The following FGFR2 variants were observed in gnomAD, a reference collection of about 807,000 sequenced individuals.
FGFR2 encodes fibroblast growth factor receptor 2.
Under a neutral mutation model 95.9 loss-of-function variants are expected in FGFR2, and 19 were observed. The ratio of observed to expected loss-of-function variants is 0.20; its 90% CI spans 0.14 to 0.29. The LOEUF is 0.29. Among genes scored for constraint, FGFR2 ranks in the 10% least tolerant of loss-of-function variants. FGFR2 has a pLI of 1.00. For synonymous variants in FGFR2, 392 were observed against 393.3 expected (o/e 1.00, Z 0.04); for missense variants, 707 against 1,056.9 (o/e 0.67, Z 4.59).
intron 6 of FGFR2, among the ~76,000 whole-genome samples, chr10:121,532,083 A>G (rs1852154833): frequency 4.6e-5 from 7 of 152,182 alleles, no homozygotes; most frequent in Admixed American, 4.6e-4. Context: ...GTGTCAGGGT[A>G]GGACACCAAG....
intron 6 of FGFR2, among the ~76,000 whole-genome samples, chr10:121,524,997 CCAGGAAGGA>C (rs1266172173): frequency 6.6e-6 from 1 of 152,200 alleles, no homozygotes; most frequent in Non-Finnish European, 1.5e-5. Flanking sequence ...ATCTTCTCCA[CCAGGAAGGA>C]CAGGAAGGAT....
At position 121,597,951 on chromosome 10, in the gene FGFR2, G is replaced by A. The variant is rs1387132708; in HGVS notation, c.-151+11C>T. Reference sequence around the variant, plus strand: ...GGCGAAGCTCCCCGAGGCGTCTTGCGCGGCGATTACCTTGAATGGCAACGC... The same window carrying A: ...GGCGAAGCTCCCCGAGGCGTCTTGCACGGCGATTACCTTGAATGGCAACGC... On this transcript the variant is annotated intron_variant, in intron 1 of 17. Transcript: ENST00000358487. 1.0e-5 allele frequency: 4 copies of A among 392,040 alleles called. No homozygotes were observed. In the East Asian group the frequency reaches 1.4e-4, roughly 14 times the overall value. 24.3% of individuals were successfully genotyped at this position (392,040 alleles called of 1,614,324 possible).
intron 6 of FGFR2, among the ~76,000 whole-genome samples, chr10:121,532,987 G>A (rs906487566): frequency 2.6e-5 from 4 of 152,204 alleles, no homozygotes; most frequent in Non-Finnish European, 4.4e-5. Flanking sequence ...GACCCATCCA[G>A]AAGTGACATG....
intron 1 of FGFR2, among the ~76,000 whole-genome samples, chr10:121,594,842 G>A (rs1863197675): frequency 6.6e-6 from 1 of 152,152 alleles, no homozygotes; most frequent in Admixed American, 6.5e-5. Context: ...TTATAGTCAT[G>A]GTATGTGATT....
At chr10:121,488,962 A>G (rs1845778356) in intron 13 of FGFR2, among the ~76,000 whole-genome samples, 1 of 152,248 alleles carries the variant, frequency 6.6e-6, no homozygotes. Context: ...CTGAATTGTT[A>G]GACGCAAATG....
chr10:121,552,049 A>G (rs1278256588), intron 4 of FGFR2, among the ~76,000 whole-genome samples: 5 of 152,064 alleles, frequency 3.3e-5, no homozygotes, highest in African/African-American at 1.2e-4. Flanking sequence ...ATCACTAAAT[A>G]CATACTAACT....
chr10:121,485,230 T>A lies in FGFR2; in HGVS notation c.2195+165A>T, dbSNP rs1051478897. On this transcript the variant is annotated intron_variant, in intron 16 of 17. Transcript: ENST00000358487. The surrounding 1 kb of genome is among the most constrained non-coding windows in gnomAD (Gnocchi z 4.2). ...CTCTCAGACAAGTAATGGTTGTCGG[T>A]GTCGCTATGTATCCCAGCTCTGGAT... is the stretch of plus-strand genomic sequence containing the variant. Among the ~76,000 whole-genome samples the A allele has an allele frequency of 6.6e-6, 1 of 152,116 alleles. No individual in the cohort carries two copies. Among genetic ancestry groups the A allele is most frequent in the Non-Finnish European group, 1.5e-5 (1 of 68,030 alleles).
intron 11 of FGFR2, among the ~76,000 whole-genome samples, chr10:121,499,245 C>T (rs569781306): frequency 1.3e-4 from 20 of 152,236 alleles, no homozygotes; most frequent in Admixed American, 9.2e-4. Flanking sequence ...TACGCGGGCT[C>T]GCAGTTAGCT....
chr10:121,490,415 C>T lies in FGFR2; in HGVS notation c.1864-2302G>A, dbSNP rs564816100. Among the ~76,000 whole-genome samples the T allele has an allele frequency of 1.2e-4, 18 of 152,238 alleles. 1 individual carries two copies. In the South Asian group the frequency reaches 3.1e-3, roughly 26 times the overall value. On this transcript the variant is annotated intron_variant, in intron 13 of 17. Coordinates refer to ENST00000358487, the MANE Select transcript of FGFR2 (RefSeq NM_000141.5). ...CTGACCTCAAGTGATCCACCCGCCT[C>T]GGCCTCCCAAAGTACTGGGATTATA...
chr10:121,512,547 T>TTTTTG (rs533841101), intron 9 of FGFR2, among the ~76,000 whole-genome samples: 281 of 151,862 alleles, frequency 1.9e-3, no homozygotes, highest in African/African-American at 5.6e-3. Flanking sequence ...CCACTTTGGG[T>TTTTTG]TTTTGTTTTG....
chr10:121,570,742 T>C (rs1396089373), intron 2 of FGFR2, among the ~76,000 whole-genome samples: 2 of 152,200 alleles, frequency 1.3e-5, no homozygotes, highest in Admixed American at 6.5e-5. Flanking sequence ...ACAATATGAA[T>C]TAAAAGTCGA....
At chr10:121,555,222 A>C (rs1014916802) in intron 4 of FGFR2, among the ~76,000 whole-genome samples, 1 of 152,094 alleles carries the variant, frequency 6.6e-6, no homozygotes, top group Non-Finnish European at 1.5e-5. Flanking sequence ...AAAATGCAAA[A>C]ATTAGCTGGA....
chr10:121,520,217 G>A (rs2134321937), intron 6 of FGFR2, 48 bp from the exon 7 acceptor site: 1 of 1,565,512 alleles, frequency 6.4e-7, no homozygotes, highest in East Asian at 2.3e-5. Context: ...GAGAATGAGA[G>A]ACCAATAAAT....
At chr10:121,540,775 G>A (rs966191105) in intron 5 of FGFR2, among the ~76,000 whole-genome samples, 6 of 152,242 alleles carry the variant, frequency 3.9e-5, no homozygotes, top group South Asian at 2.1e-4. Flanking sequence ...TTGAGCCCCC[G>A]CTCAAATGTC....
chr10:121,532,399 G>A (rs1852207450), intron 6 of FGFR2, among the ~76,000 whole-genome samples: 1 of 152,188 alleles, frequency 6.6e-6, no homozygotes, highest in Non-Finnish European at 1.5e-5. Context: ...AAGCCACAGT[G>A]TGATGGAAGC....
intron 5 of FGFR2, among the ~76,000 whole-genome samples, chr10:121,547,277 G>T (rs1344791287): frequency 6.6e-6 from 1 of 152,166 alleles, no homozygotes; most frequent in Non-Finnish European, 1.5e-5. Context: ...AGTCAGGAAT[G>T]AATCAGTTAG....
chr10:121,573,664 A>C (rs1859221358), intron 2 of FGFR2, among the ~76,000 whole-genome samples: 1 of 119,034 alleles, frequency 8.4e-6, no homozygotes, highest in Admixed American at 7.9e-5. Flanking sequence ...GGGGAAGGGG[A>C]GAGGAGAAAG....
chr10:121,581,993 C>T lies in FGFR2; in HGVS notation c.109+11716G>A, dbSNP rs541980343. 4.0e-5 allele frequency among the ~76,000 whole-genome samples: 6 copies of T among 151,426 alleles called. No individual in the cohort carries two copies. In the East Asian group the frequency reaches 5.8e-4, roughly 15 times the overall value. ...TGTCGCCCAGGCTGGAATGCAATGG[C>T]GTGATCTCAGCTTACTGAAACCTCT... On this transcript the variant is annotated intron_variant, in intron 2 of 17. Transcript: ENST00000358487.
intron 6 of FGFR2, among the ~76,000 whole-genome samples, chr10:121,525,356 A>T (rs1054638674): frequency 6.6e-6 from 1 of 152,168 alleles, no homozygotes; most frequent in African/African-American, 2.4e-5. Context: ...GCACTGCTGG[A>T]ATGAGGTTCC....
Sources: allele counts gnomAD v4.1 joint callset (sites outside exome capture counted in the v4.1 genomes callset), GRCh38; gene constraint gnomAD v4.1.1; non-coding constraint Gnocchi (gnomAD v3.1); transcripts MANE v1.5; gene names NCBI Gene and HGNC (gene_info 2026-07-23, HGNC 2026-07-21).